The following SUSD3 variants were observed in gnomAD, a reference collection of about 807,000 sequenced individuals.
SUSD3 encodes the protein sushi domain-containing protein 3.
In SUSD3, 18 loss-of-function variants were observed where a neutral mutation model predicts 20.6. The ratio of observed to expected loss-of-function variants is 0.87; its 90% CI spans 0.60 to 1.30. The LOEUF (loss-of-function observed/expected upper bound fraction) is 1.30. SUSD3 is among the 50% of genes most tolerant of loss of function. The pLI is 0.00. For missense variants in SUSD3, 306 were observed against 346.9 expected, an observed-to-expected ratio of 0.88 and a Z score of 0.94; for synonymous variants, 137 against 141.5, an observed-to-expected ratio of 0.97 and a Z score of 0.23.
Position 93,079,464 on chromosome 9 carries a change from C to T in SUSD3, c.426-7C>T. 2 of 1,613,714 alleles carry T rather than the reference C, an allele frequency of 1.2e-6. No homozygotes were observed. The highest frequency in any genetic ancestry group is 1.7e-4 in the Middle Eastern group (1 of 6,054). Reference sequence around the variant, plus strand: ...CTCAGAGTCCTTCCTCCCAAACTCTCCTCCAGGTCAGCCCAGCTGTGGTCC... The same window carrying T: ...CTCAGAGTCCTTCCTCCCAAACTCTTCTCCAGGTCAGCCCAGCTGTGGTCC... On this transcript the variant is annotated splice_region_variant and splice_polypyrimidine_tract_variant and intron_variant, in intron 3 of 4. Coordinates refer to ENST00000375472, the MANE Select transcript of SUSD3 (RefSeq NM_145006.4).
rs556199152 is a variant in SUSD3, at chr9:93,082,786, T to A, written c.558-1751T>A. Among the ~76,000 whole-genome samples the A allele has an allele frequency of 1.1e-3, 163 of 152,248 alleles. 1 individual carries two copies. Among genetic ancestry groups the A allele is most frequent in the Non-Finnish European group, 2.1e-3 (141 of 68,010 alleles). ...TCATCCTGTGTCATAACTGGGAAAG[T>A]GCCCATGGAATGGGGGAAGGAACAA... is the stretch of plus-strand genomic sequence containing the variant. On this transcript the variant is annotated intron_variant, in intron 4 of 4. Transcript: ENST00000375472.
intron 4 of SUSD3, among the ~76,000 whole-genome samples, chr9:93,081,371 C>T (rs1197060604): frequency 6.6e-6 from 1 of 152,164 alleles, no homozygotes; most frequent in Non-Finnish European, 1.5e-5. Flanking sequence ...GGCTGCAGTG[C>T]ACTTGGTCCC....
Position 93,079,476 on chromosome 9 carries a change from C to G in SUSD3, c.431C>G (p.Ala144Gly). 1 of 1,613,896 alleles carries G rather than the reference C, an allele frequency of 6.2e-7. No individual in the cohort carries two copies. ...CCTCCCAAACTCTCCTCCAGGTCAGCCCAGCTGTGGTCCCAGCTGAAAGAT... is the reference window on the plus strand; with the variant it reads ...CCTCCCAAACTCTCCTCCAGGTCAGGCCAGCTGTGGTCCCAGCTGAAAGAT... Reference protein sequence around the residue: ...KSKRRRSNRSAQLWSQLKDED... With the variant: ...KSKRRRSNRSGQLWSQLKDED... The change falls in exon 4 of 5, where the codon GCC (alanine) becomes GGC (glycine). Residue 144 changes from alanine (A) to glycine (G), a missense_variant. Ala to Gly is a moderately conservative substitution (Grantham distance 60, BLOSUM62 0). Coordinates refer to ENST00000375472, the MANE Select transcript of SUSD3 (RefSeq NM_145006.4).
chr9:93,063,338 T>G (rs1435196155), intron 1 of SUSD3, among the ~76,000 whole-genome samples: 1 of 152,146 alleles, frequency 6.6e-6, no homozygotes, highest in African/African-American at 2.4e-5. Flanking sequence ...AAGATCTCCA[T>G]AGGGCAGTCC....
intron 1 of SUSD3, among the ~76,000 whole-genome samples, chr9:93,074,283 A>G (rs954078993): frequency 6.6e-6 from 1 of 151,854 alleles, no homozygotes; most frequent in African/African-American, 2.4e-5. Context: ...ACAAAAAATC[A>G]GCCAGGTGTG....
rs765044014 is a variant in SUSD3 at position 93,079,518 on chromosome 9, T to C, written c.473T>C (p.Val158Ala). ...CTGAAAGATGAGGACTTGGAGACGG[T>C]GCAGGCCGCATACCTTGGCCTCAAG... ...SQLKDEDLET[V>A]QAAYLGLKHF... The change falls in exon 4 of 5, where the codon GTG (valine) becomes GCG (alanine). Residue 158 changes from valine (V) to alanine (A), a missense_variant. Transcript: ENST00000375472. The C allele has an allele frequency of 2.5e-6, 4 of 1,614,156 alleles. No individual in the cohort carries two copies. The Admixed American group carries it at 5.0e-5, about 20-fold the overall frequency.
At chr9:93,070,807 T>G (rs1825881729) in intron 1 of SUSD3, among the ~76,000 whole-genome samples, 1 of 152,222 alleles carries the variant, frequency 6.6e-6, no homozygotes, top group African/African-American at 2.4e-5. Context: ...AACCCGTGTG[T>G]TCGTTTCTGT....
chr9:93,079,750 A>C, intron 4 of SUSD3, 148 bp downstream of exon 4: 2 of 787,386 alleles, frequency 2.5e-6, no homozygotes, highest in Non-Finnish European at 2.0e-6. Flanking sequence ...TCTCTAAAAC[A>C]AGAGGCTGGT....
chr9:93,068,648 A>G (rs1411340417), intron 1 of SUSD3, among the ~76,000 whole-genome samples: 8 of 152,184 alleles, frequency 5.3e-5, no homozygotes, highest in African/African-American at 1.9e-4. Flanking sequence ...TGGCTATTCT[A>G]GGTCTTTTGC....
chr9:93,079,900 G>A (rs1375245725), intron 4 of SUSD3, among the ~76,000 whole-genome samples: 1 of 152,112 alleles, frequency 6.6e-6, no homozygotes, highest in Admixed American at 6.5e-5. Flanking sequence ...CACCCAGCAG[G>A]GCTCTGCACT....
intron 1 of SUSD3, chr9:93,069,136 C>T (rs2118938480): frequency 7.1e-6 from 5 of 702,608 alleles, no homozygotes; most frequent in South Asian, 5.9e-5. Context: ...ATGGGAAATT[C>T]CAGAGATAAT....
chr9:93,084,683 C>G lies in SUSD3; in HGVS notation c.704C>G (p.Pro235Arg), dbSNP rs1267021719. ...GTGCACATGGCAAACCCCAGACAGCCCCTGCCTGCCTCTGGGCTGGCCACA... is the reference window on the plus strand; with the variant it reads ...GTGCACATGGCAAACCCCAGACAGCGCCTGCCTGCCTCTGGGCTGGCCACA... ...VMVHMANPRQ[P>R]LPASGLATGM... Residue 235 changes from proline to arginine, a missense_variant, in exon 5 of 5, where the codon CCC (proline) becomes CGC (arginine). Coordinates refer to ENST00000375472, the MANE Select transcript of SUSD3 (RefSeq NM_145006.4). 75 of 1,604,572 alleles carry G rather than the reference C, an allele frequency of 4.7e-5. No homozygotes were observed. The highest frequency in any genetic ancestry group is 6.0e-5 in the Non-Finnish European group (71 of 1,175,368).
chr9:93,065,798 T>G, intron 1 of SUSD3, among the ~76,000 whole-genome samples: 1 of 152,268 alleles, frequency 6.6e-6, no homozygotes, highest in East Asian at 1.9e-4. Flanking sequence ...CCTTTGTTCT[T>G]GCATTCATTC....
Position 93,079,554 on chromosome 9 carries a change from A to G in SUSD3, c.509A>G (p.Lys170Arg). The change falls in exon 4 of 5, where the codon AAA becomes AGA. Residue 170 changes from lysine (K) to arginine (R), a missense_variant. Coordinates refer to ENST00000375472, the MANE Select transcript of SUSD3 (RefSeq NM_145006.4). ...TACCTTGGCCTCAAGCACTTCAACA[A>G]ACCCGTGAGCGGGCCCAGCCAGGCG... ...AAYLGLKHFN[K>R]PVSGPSQAHD... 6.2e-7 allele frequency: 1 copy of G among 1,614,058 alleles called. No homozygotes were observed. The highest frequency in any genetic ancestry group is 8.5e-7 in the Non-Finnish European group (1 of 1,180,004).
intron 4 of SUSD3, 34 bp from the exon 5 acceptor site, chr9:93,084,503 C>A: frequency 1.3e-6 from 2 of 1,541,620 alleles, no homozygotes; most frequent in Non-Finnish European, 1.8e-6. Flanking sequence ...CCTATCCACA[C>A]TCTTTTGCCA....
chr9:93,074,198 A>G (rs533325032), intron 1 of SUSD3, among the ~76,000 whole-genome samples: 1 of 152,082 alleles, frequency 6.6e-6, no homozygotes, highest in South Asian at 2.1e-4. Context: ...TAATCCCAGC[A>G]CTTTGGGAGG....
chr9:93,058,882 G>T (rs1225457474), intron 1 of SUSD3, 52 bp downstream of exon 1: 5 of 1,136,336 alleles, frequency 4.4e-6, no homozygotes, highest in Non-Finnish European at 5.6e-6. Context: ...CCATTTCACA[G>T]ACGGGAAAGC....
rs1404567468 is a variant in SUSD3 at position 93,058,734 on chromosome 9, G to T, written c.-9G>T. 12 of 1,232,464 alleles carry T rather than the reference G, an allele frequency of 9.7e-6. No homozygotes were observed. In the South Asian group the frequency reaches 1.5e-4, roughly 16 times the overall value. 76.3% of individuals were successfully genotyped at this position (1,232,464 alleles called of 1,614,324 possible). Reference sequence around the variant, plus strand: ...GGCAGACCCCGCCAAGCGCCTCGGAGCGCGCAGGATGCGCTGGGCGGCCGC... The same window carrying T: ...GGCAGACCCCGCCAAGCGCCTCGGATCGCGCAGGATGCGCTGGGCGGCCGC... On this transcript the variant is annotated 5_prime_UTR_variant, in exon 1 of 5. Coordinates refer to ENST00000375472, the MANE Select transcript of SUSD3 (RefSeq NM_145006.4).
At chr9:93,075,740 A>ACACCCCCCCCCCCCCCCCCCCCCC in intron 1 of SUSD3, 44 bp from the exon 2 acceptor site, 1 of 146,806 alleles carries the variant, frequency 6.8e-6, no homozygotes, top group South Asian at 3.8e-5. Flanking sequence ...CTGCGTGCCC[A>ACACCCCCCCCCCCCCCCCCCCCCC]CCCCCCCCCC....
Sources: allele counts gnomAD v4.1 joint callset (sites outside exome capture counted in the v4.1 genomes callset), GRCh38; gene constraint gnomAD v4.1.1; transcripts MANE v1.5; gene names NCBI Gene and HGNC (gene_info 2026-07-23, HGNC 2026-07-21).